PTPRT: variants seen among roughly 807,000 people sequenced by gnomAD.
The protein encoded by PTPRT is receptor-type tyrosine-protein phosphatase T.
A neutral mutation model predicts 176.8 loss-of-function variants in PTPRT; 56 were observed. The observed-to-expected ratio is 0.32, with a 90% CI of 0.26 to 0.40. The LOEUF (loss-of-function observed/expected upper bound fraction) is 0.40. PTPRT is among the 10% of genes least tolerant of loss of function. The pLI is 1.00. For missense variants in PTPRT, 1,540 were observed against 1,908.2 expected (o/e 0.81, Z 3.60); for synonymous variants, 783 against 739.0 (o/e 1.06, Z -0.96).
intron 1 of PTPRT, among the ~76,000 whole-genome samples, chr20:43,120,977 C>T (rs2013237174): frequency 6.6e-6 from 1 of 152,192 alleles, no homozygotes; most frequent in Admixed American, 6.5e-5. Flanking sequence ...CTACCAACAT[C>T]GCAGAAGCTC....
At chr20:42,169,332 A>G (rs1476167896) in intron 16 of PTPRT, among the ~76,000 whole-genome samples, 1 of 152,130 alleles carries the variant, frequency 6.6e-6, no homozygotes, top group African/African-American at 2.4e-5. Flanking sequence ...TGATAAAGAG[A>G]TCAATCCTCC....
At chr20:42,932,716 G>A (rs1351677065) in intron 1 of PTPRT, among the ~76,000 whole-genome samples, 3 of 152,196 alleles carry the variant, frequency 2.0e-5, no homozygotes, top group South Asian at 2.1e-4. Flanking sequence ...TCTGGCGGGG[G>A]CTTCACTGAG....
At chr20:43,156,980 C>T (rs2014540022) in intron 1 of PTPRT, among the ~76,000 whole-genome samples, 1 of 152,138 alleles carries the variant, frequency 6.6e-6, no homozygotes. Flanking sequence ...TCTGCCCCTT[C>T]ATCCATGCAT....
chr20:42,721,549 A>G (rs1362893837), intron 6 of PTPRT, among the ~76,000 whole-genome samples: 13 of 152,240 alleles, frequency 8.5e-5, no homozygotes, highest in Admixed American at 8.5e-4. Flanking sequence ...GTGGATACAC[A>G]GCCATGCTGA....
rs367948746 is a variant in PTPRT, at chr20:42,086,726, CAAAA to C, written c.3847-877_3847-874del. Among the ~76,000 whole-genome samples the C allele has an allele frequency of 3.3e-3, 274 of 82,070 alleles. 18 individuals carry two copies. Among genetic ancestry groups the C allele is most frequent in the South Asian group, 0.03 (63 of 2,102 alleles). The allele number at this position is 82,070 out of a possible 152,430, so 53.8% of individuals were successfully genotyped here. A position where few individuals can be genotyped will look rare whatever the true frequency, so the allele number is the denominator to read the frequency against. Reference sequence around the variant, plus strand: ...TGGGTGACACAGCGAGACTCCATCTCAAAAAAAAAAAAAAAAAAAAAAAAAAAAT... The same window carrying C: ...TGGGTGACACAGCGAGACTCCATCTCAAAAAAAAAAAAAAAAAAAAAAAAT... On this transcript the variant is annotated intron_variant, in intron 27 of 30. Coordinates refer to ENST00000373187, the MANE Select transcript of PTPRT (RefSeq NM_007050.6).
chr20:42,337,906 C>A (rs1163342814), intron 11 of PTPRT, among the ~76,000 whole-genome samples: 1 of 152,122 alleles, frequency 6.6e-6, no homozygotes, highest in Non-Finnish European at 1.5e-5. Context: ...TAGAGTAGAA[C>A]CTTGGTGTGA....
At chr20:42,592,502 G>A (rs956425042) in intron 7 of PTPRT, among the ~76,000 whole-genome samples, 1 of 152,196 alleles carries the variant, frequency 6.6e-6, no homozygotes, top group African/African-American at 2.4e-5. Context: ...CATGATTTCA[G>A]GCTGAGAGAT....
In PTPRT at chr20:43,000,068, AG is replaced by A. The variant is rs1297546995; in HGVS notation, c.89-114137del. On this transcript the variant is annotated intron_variant, in intron 1 of 30. Coordinates refer to ENST00000373187, the MANE Select transcript of PTPRT (RefSeq NM_007050.6). The stretch of plus-strand genomic sequence containing the variant: ...GAGGAAGGGAAGAAGGGAAGGAGGG[AG>A]GGAGGGAGGGAGGGAGGGAGGGAGG... 1.4e-3 allele frequency among the ~76,000 whole-genome samples: 30 copies of A among 20,714 alleles called. No homozygotes were observed. In the Admixed American group the frequency reaches 0.017, roughly 11 times the overall value. The allele number at this position is 20,714 out of a possible 152,430, so 13.6% of individuals were successfully genotyped here.
At chr20:42,839,823 G>A (rs544383739) in intron 2 of PTPRT, among the ~76,000 whole-genome samples, 2 of 152,200 alleles carry the variant, frequency 1.3e-5, no homozygotes, top group African/African-American at 4.8e-5. Flanking sequence ...TAAATCACCT[G>A]AAGAGCTTTA....
At chr20:42,697,105 A>C (rs985540087) in intron 6 of PTPRT, among the ~76,000 whole-genome samples, 5 of 152,210 alleles carry the variant, frequency 3.3e-5, no homozygotes, top group Non-Finnish European at 2.9e-5. Context: ...AAAAAGGTAC[A>C]AGCGGATGCA....
At chr20:42,356,018 T>C (rs1402802558) in intron 9 of PTPRT, among the ~76,000 whole-genome samples, 1 of 152,170 alleles carries the variant, frequency 6.6e-6, no homozygotes, top group Non-Finnish European at 1.5e-5. Context: ...CTTCAATTTT[T>C]TATGAAGGGC....
chr20:42,448,176 G>A lies in PTPRT; in HGVS notation c.1560+44C>T, dbSNP rs376236829. The A allele has an allele frequency of 7.3e-5, 107 of 1,456,906 alleles. No homozygotes were observed. The African/African-American group carries it at 1.4e-3, about 18-fold the overall frequency. 90.2% of individuals were successfully genotyped at this position (1,456,906 alleles called of 1,614,324 possible). On this transcript the variant is annotated intron_variant, in intron 9 of 30. Coordinates refer to ENST00000373187, the MANE Select transcript of PTPRT (RefSeq NM_007050.6). ...CACCAATGTCAGGCTGAAGTGACTTGAATAAAGCTAAGCCAATGGATGCAG... is the reference window on the plus strand; with the variant it reads ...CACCAATGTCAGGCTGAAGTGACTTAAATAAAGCTAAGCCAATGGATGCAG...
intron 7 of PTPRT, among the ~76,000 whole-genome samples, chr20:42,525,605 T>G (rs2072254280): frequency 6.6e-6 from 1 of 152,240 alleles, no homozygotes; most frequent in Non-Finnish European, 1.5e-5. Context: ...TACAGAAGGA[T>G]TTTTTTAGGA....
chr20:42,768,224 A>G (rs986983334), intron 5 of PTPRT, among the ~76,000 whole-genome samples: 1 of 152,204 alleles, frequency 6.6e-6, no homozygotes, highest in Non-Finnish European at 1.5e-5. Flanking sequence ...GAATCTATTC[A>G]CTTACCAGAT....
intron 7 of PTPRT, among the ~76,000 whole-genome samples, chr20:42,510,021 TG>T (rs2071925609): frequency 6.6e-6 from 1 of 152,066 alleles, no homozygotes; most frequent in Non-Finnish European, 1.5e-5. Flanking sequence ...ATCTGTAAAA[TG>T]GGTTGACCTA....
chr20:42,392,933 G>C (rs913414399), intron 9 of PTPRT, among the ~76,000 whole-genome samples: 2 of 152,140 alleles, frequency 1.3e-5, no homozygotes, highest in African/African-American at 4.8e-5. Context: ...AGAAAAGAAG[G>C]CCCAAAGAAA....
chr20:42,563,180 G>A (rs878973703), intron 7 of PTPRT, among the ~76,000 whole-genome samples: 2 of 151,886 alleles, frequency 1.3e-5, no homozygotes, highest in East Asian at 1.9e-4. Flanking sequence ...TCCTTAATAC[G>A]CAAAGGGCTC....
intron 14 of PTPRT, among the ~76,000 whole-genome samples, chr20:42,245,500 C>G (rs1042097828): frequency 1.3e-5 from 2 of 152,180 alleles, no homozygotes; most frequent in Non-Finnish European, 2.9e-5. Context: ...AAAACAAAAC[C>G]AGGCAACAAC....
chr20:42,573,026 T>A (rs765765359), intron 7 of PTPRT, among the ~76,000 whole-genome samples: 6 of 151,940 alleles, frequency 3.9e-5, no homozygotes, highest in Non-Finnish European at 8.8e-5. Context: ...GACCCATGTC[T>A]GTTTTGTTTG....
Sources: allele counts gnomAD v4.1 joint callset (sites outside exome capture counted in the v4.1 genomes callset), GRCh38; gene constraint gnomAD v4.1.1; transcripts MANE v1.5; gene names NCBI Gene and HGNC (gene_info 2026-07-23, HGNC 2026-07-21).